Variants in NLRP7 observed in about 807,000 individuals in gnomAD.
The protein encoded by NLRP7 is NACHT, LRR and PYD domains-containing protein 7.
Under a neutral mutation model 85.5 loss-of-function variants are expected in NLRP7, and 72 were observed. That is an observed-to-expected ratio of 0.84 (90% confidence interval 0.70 to 1.02). The LOEUF is 1.02. Among genes scored for constraint, NLRP7 ranks in the 50% least tolerant of loss-of-function variants. The pLI is 0.00. For missense variants in NLRP7, 1,243 were observed against 1,219.5 expected, an observed-to-expected ratio of 1.02 and a Z score of -0.29; for synonymous variants, 550 against 505.2, an observed-to-expected ratio of 1.09 and a Z score of -1.19.
exon 4 of NLRP7, chr19:54,939,294 T>C (rs1288086292): frequency 6.2e-7 from 1 of 1,614,078 alleles, no homozygotes; most frequent in Non-Finnish European, 8.5e-7. Context: ...TTCTTGAGTC[T>C]TTCTTCTCCG....
At chr19:54,952,806 T>C (rs1241301747) in intron 1 of NLRP7, among the ~76,000 whole-genome samples, 1 of 151,904 alleles carries the variant, frequency 6.6e-6, no homozygotes. Context: ...CTGACTAAAA[T>C]AAGGCTGAGA....
At chr19:54,936,101 G>A (rs1221850271) in intron 6 of NLRP7, among the ~76,000 whole-genome samples, 160 bp downstream of exon 6, 1 of 152,110 alleles carries the variant, frequency 6.6e-6, no homozygotes, top group African/African-American at 2.4e-5. Flanking sequence ...CAAGCTGGTG[G>A]GGGAAAGAGG....
In NLRP7 at chr19:54,934,568, C is replaced by T. The variant is rs756903101; in HGVS notation, c.2392G>A (p.Ala798Thr). Residue 798 changes from alanine (A) to threonine (T), a missense_variant, in exon 7 of 10, where the codon GCC becomes ACC. This residue lies in a region of NLRP7 where 613 missense variants were observed against 588.4 expected (regional missense o/e 1.04). Transcript: ENST00000340844. The surrounding 1 kb of genome is among the most constrained non-coding windows in gnomAD (Gnocchi z 6.7). ...GCACCCTCATCCAGGAGCACATTGG[C>T]TGAGAGACGCAGGTGCTTCAGGGAC... 4.3e-6 allele frequency: 7 copies of T among 1,613,940 alleles called. No homozygotes were observed. The highest frequency in any genetic ancestry group is 5.1e-6 in the Non-Finnish European group (6 of 1,179,940).
chr19:54,955,425 T>G (rs1488959274), intron 1 of NLRP7, among the ~76,000 whole-genome samples: 1 of 152,106 alleles, frequency 6.6e-6, no homozygotes, highest in Non-Finnish European at 1.5e-5. Context: ...TCCCCGAACT[T>G]TGGGCAGCCC....
At chr19:54,926,916 T>TAA (rs74177884) in intron 9 of NLRP7, among the ~76,000 whole-genome samples, 15 of 26,652 alleles carry the variant, frequency 5.6e-4, no homozygotes, top group Admixed American at 9.9e-4. Context: ...ACTCTGTCTT[T>TAA]AAAAAAAAAA....
At chr19:54,954,438 G>A (rs1335078284) in intron 1 of NLRP7, among the ~76,000 whole-genome samples, 1 of 136,836 alleles carries the variant, frequency 7.3e-6, no homozygotes, top group Non-Finnish European at 1.5e-5. Context: ...GCTGAGGCAG[G>A]AGAATGGCCT....
At chr19:54,946,185 G>A (rs2069465137) in intron 1 of NLRP7, among the ~76,000 whole-genome samples, 1 of 151,874 alleles carries the variant, frequency 6.6e-6, no homozygotes, top group South Asian at 2.1e-4. Context: ...GGGATCACAG[G>A]CGTGAGCCAC....
chr19:54,948,088 A>C (rs1470761663), upstream of NLRP7, among the ~76,000 whole-genome samples: 1 of 152,148 alleles, frequency 6.6e-6, no homozygotes, highest in Non-Finnish European at 1.5e-5. Flanking sequence ...ATATTTAATA[A>C]TTAGCCATGC....
chr19:54,940,548 C>G, intron 3 of NLRP7, 82 bp from the exon 4 acceptor site: 1 of 1,489,104 alleles, frequency 6.7e-7, no homozygotes, highest in Non-Finnish European at 9.3e-7. Context: ...AAATGAGGGC[C>G]AGGCACGGTG....
At chr19:54,960,290 G>C (rs1243401753) in intron 1 of NLRP7, among the ~76,000 whole-genome samples, 1 of 151,638 alleles carries the variant, frequency 6.6e-6, no homozygotes, top group African/African-American at 2.4e-5. Flanking sequence ...TGGGTAGCTG[G>C]GATTACAGGT....
chr19:54,938,899 A>G, exon 4 of NLRP7: 1 of 1,614,130 alleles, frequency 6.2e-7, no homozygotes, highest in South Asian at 1.1e-5. Flanking sequence ...TTTCAAATTC[A>G]ATGTCCAGTT....
Position 54,940,070 on chromosome 19 carries a change from A to C in NLRP7, c.749T>G (p.Phe250Cys), listed in dbSNP as rs78096121. Reference sequence around the variant, plus strand: ...CAGCTCATCAAGGCCATCGACCACGAACAGGATTCTCTGTGCTTGGGCTAG... The same window carrying C: ...CAGCTCATCAAGGCCATCGACCACGCACAGGATTCTCTGTGCTTGGGCTAG... Residue 250 changes from phenylalanine to cysteine, a missense_variant, in exon 4 of 10, where the codon TTC becomes TGC. Phe to Cys is a radical substitution (Grantham distance 205, BLOSUM62 -2). Coordinates refer to ENST00000340844, the Ensembl canonical transcript of NLRP7. 1,531 of 1,614,178 alleles carry C rather than the reference A, an allele frequency of 9.5e-4. 3 individuals are homozygous for C. Among genetic ancestry groups the C allele is most frequent in the Non-Finnish European group, 1.2e-3 (1,447 of 1,180,014 alleles).
upstream of NLRP7, among the ~76,000 whole-genome samples, chr19:54,951,115 G>C (rs1288039129): frequency 2.6e-5 from 4 of 152,208 alleles, no homozygotes; most frequent in Admixed American, 6.6e-5. Flanking sequence ...GCACAGGGTT[G>C]GGGGTAAGGT....
intron 1 of NLRP7, among the ~76,000 whole-genome samples, chr19:54,954,819 C>T (rs1176528264): frequency 6.6e-6 from 1 of 152,092 alleles, no homozygotes; most frequent in Non-Finnish European, 1.5e-5. Flanking sequence ...CGCCACTGCA[C>T]TCCAGCCTGG....
Position 54,939,352 on chromosome 19 carries a change from G to A in NLRP7, c.1467C>T (p.Asp489=), listed in dbSNP as rs61747409. 3.0e-5 allele frequency: 48 copies of A among 1,614,086 alleles called. No individual in the cohort carries two copies. The South Asian group carries it at 3.8e-4, about 13-fold the overall frequency. Residue 489 remains aspartate, a synonymous_variant, in exon 4 of 10, where the codon GAC becomes GAT. Transcript: ENST00000340844. ...CGATGTCCCAGGCGTGGCCGTCCCTGTCCTCCCCCTCCTCCTTCTCCAGGG... is the reference window on the plus strand; with the variant it reads ...CGATGTCCCAGGCGTGGCCGTCCCTATCCTCCCCCTCCTCCTTCTCCAGGG...
At chr19:54,926,444 C>A (rs1233230933) in intron 9 of NLRP7, among the ~76,000 whole-genome samples, 1 of 152,070 alleles carries the variant, frequency 6.6e-6, no homozygotes, top group Non-Finnish European at 1.5e-5. Context: ...ACACACACTC[C>A]CAAAAAAACT....
At chr19:54,958,263 CACTT>C (rs1333934251) in intron 1 of NLRP7, among the ~76,000 whole-genome samples, 2 of 152,010 alleles carry the variant, frequency 1.3e-5, no homozygotes, top group African/African-American at 2.4e-5. Context: ...CTAACATTGA[CACTT>C]AGGAGAAGTA....
At chr19:54,951,773 C>T (rs1464060388), upstream of NLRP7, among the ~76,000 whole-genome samples, 2 of 148,712 alleles carry the variant, frequency 1.3e-5, no homozygotes, top group African/African-American at 2.5e-5. Flanking sequence ...TTTTTTGAGA[C>T]GGAGTCTCGC....
chr19:54,939,864 C>A (rs775882), exon 4 of NLRP7: 1 of 1,613,636 alleles, frequency 6.2e-7, no homozygotes, highest in South Asian at 1.1e-5. Flanking sequence ...TCCACCCTTA[C>A]GTAGATCGGC....
Sources: allele counts gnomAD v4.1 joint callset (sites outside exome capture counted in the v4.1 genomes callset), GRCh38; gene constraint gnomAD v4.1.1; regional missense constraint gnomAD v4.1.1; non-coding constraint Gnocchi (gnomAD v3.1); transcripts MANE v1.5; gene names NCBI Gene and HGNC (gene_info 2026-07-23, HGNC 2026-07-21).